ABR: variants seen among roughly 807,000 people sequenced by gnomAD.
ABR encodes active breakpoint cluster region-related protein.
ABR carries 35 observed loss-of-function variants against 107.2 expected under a neutral mutation model. That is an observed-to-expected ratio of 0.33 (90% CI 0.25 to 0.43). The LOEUF (loss-of-function observed/expected upper bound fraction) is 0.43. Among genes scored for constraint, ABR ranks in the 20% least tolerant of loss-of-function variants. The probability of loss-of-function intolerance (pLI) is 1.00; values close to 1 mark genes in which losing one functional copy is unlikely to be tolerated. For missense variants in ABR, 815 were observed against 1,115.2 expected (o/e 0.73, Z 3.83); for synonymous variants, 498 against 462.0 (o/e 1.08, Z -1.00).
intron 5 of ABR, 70 bp from the exon 6 acceptor site, chr17:1,079,460 G>A: frequency 7.1e-7 from 1 of 1,404,168 alleles, no homozygotes; most frequent in Non-Finnish European, 9.9e-7. Context: ...CTGTGAGCCT[G>A]GCAAGAAGGG....
At chr17:1,095,411 G>A (rs1304695974) in intron 3 of ABR, among the ~76,000 whole-genome samples, 4 of 152,216 alleles carry the variant, frequency 2.6e-5, no homozygotes, top group Non-Finnish European at 5.9e-5. Context: ...ACAGGGCTGG[G>A]TGTGTGCCCT....
chr17:1,127,826 C>G (rs922239464), intron 1 of ABR, among the ~76,000 whole-genome samples: 1 of 152,200 alleles, frequency 6.6e-6, no homozygotes. Context: ...GCCAGTCTCC[C>G]CACATGCACA....
intron 3 of ABR, among the ~76,000 whole-genome samples, chr17:1,093,801 C>T (rs929297923): frequency 1.3e-5 from 2 of 152,186 alleles, no homozygotes; most frequent in African/African-American, 2.4e-5. Flanking sequence ...TATCGCCTCA[C>T]TCTGATGGAG....
intron 1 of ABR, among the ~76,000 whole-genome samples, chr17:1,227,105 ACTCTTGTT>A (rs2043236291): frequency 6.6e-6 from 1 of 151,878 alleles, no homozygotes; most frequent in Non-Finnish European, 1.5e-5. Context: ...GAGGAAGGTG[ACTCTTGTT>A]ATCATTGGTC....
chr17:1,102,490 A>G (rs1445972723), intron 2 of ABR, among the ~76,000 whole-genome samples: 2 of 152,240 alleles, frequency 1.3e-5, no homozygotes, highest in East Asian at 1.9e-4. Flanking sequence ...CCACACTGGA[A>G]GAAGACGACT....
In ABR at chr17:1,007,096, G is replaced by A. The variant is rs75185733; in HGVS notation, c.2490+69C>T. On this transcript the variant is annotated intron_variant, in intron 22 of 22. Transcript: ENST00000302538. ...AGCCACGGGCCCGGGCGGTGCCAGG[G>A]TACCTGCGCCATGACGTCATGGGAC... 33 of 433,118 alleles carry A rather than the reference G, an allele frequency of 7.6e-5. No individual in the cohort carries two copies. The African/African-American group carries it at 1.0e-3, about 14-fold the overall frequency. 26.8% of individuals were successfully genotyped at this position (433,118 alleles called of 1,614,324 possible). A position where few individuals can be genotyped will look rare whatever the true frequency, so the allele number is the denominator to read the frequency against.
chr17:1,029,578 CCT>C (rs1194234509), intron 16 of ABR, among the ~76,000 whole-genome samples: 6 of 152,196 alleles, frequency 3.9e-5, no homozygotes, highest in Admixed American at 2.6e-4. Flanking sequence ...TGAGGCAATC[CCT>C]CCTGCCAGTC....
chr17:1,170,121 C>T (rs1256801700), intron 1 of ABR, among the ~76,000 whole-genome samples: 1 of 152,150 alleles, frequency 6.6e-6, no homozygotes, highest in Non-Finnish European at 1.5e-5. Flanking sequence ...CCTCCTTAGG[C>T]TCATGCCCCT....
chr17:1,075,208 C>T (rs2035601638), intron 6 of ABR, among the ~76,000 whole-genome samples: 1 of 152,240 alleles, frequency 6.6e-6, no homozygotes. Flanking sequence ...CGCGGCTGCG[C>T]CCACCCTCCC....
At chr17:1,099,397 T>G (rs2151332238) in intron 3 of ABR, among the ~76,000 whole-genome samples, 1 of 152,288 alleles carries the variant, frequency 6.6e-6, no homozygotes, top group South Asian at 2.1e-4. Flanking sequence ...ATTTACACAG[T>G]CATTCCTGGG....
intron 2 of ABR, among the ~76,000 whole-genome samples, chr17:1,102,864 T>TGC (rs2037997154): frequency 1.3e-5 from 2 of 152,012 alleles, no homozygotes; most frequent in Non-Finnish European, 2.9e-5. Context: ...GCGTCCACCA[T>TGC]CACACCCACT....
chr17:1,209,906 G>C (rs1477195675), intron 1 of ABR, among the ~76,000 whole-genome samples: 1 of 152,098 alleles, frequency 6.6e-6, no homozygotes, highest in South Asian at 2.1e-4. Flanking sequence ...GGTATCCCCA[G>C]TTATTTACAA....
At chr17:1,024,146 G>GC (rs1485268067) in intron 16 of ABR, among the ~76,000 whole-genome samples, 1 of 152,078 alleles carries the variant, frequency 6.6e-6, no homozygotes, top group Non-Finnish European at 1.5e-5. Context: ...GACGTGAGGG[G>GC]CTCCAGCAAT....
At chr17:1,031,507 A>G in intron 16 of ABR, 2 of 716,398 alleles carry the variant, frequency 2.8e-6, no homozygotes, top group East Asian at 3.7e-5. Context: ...CGGGAGCGGG[A>G]CCCCATCAGC....
chr17:1,132,460 C>A (rs1177605567), intron 1 of ABR, among the ~76,000 whole-genome samples: 1 of 147,910 alleles, frequency 6.8e-6, no homozygotes, highest in Non-Finnish European at 1.5e-5. Context: ...CTCACTGCAA[C>A]CTCCACCTGC....
At chr17:1,086,004 G>A (rs1489180609) in intron 4 of ABR, among the ~76,000 whole-genome samples, 1 of 151,978 alleles carries the variant, frequency 6.6e-6, no homozygotes, top group African/African-American at 2.4e-5. Flanking sequence ...AAATTATCCG[G>A]GCGTGGTGGC....
At chr17:1,102,964 C>G (rs2038006192) in intron 2 of ABR, among the ~76,000 whole-genome samples, 1 of 152,142 alleles carries the variant, frequency 6.6e-6, no homozygotes, top group African/African-American at 2.4e-5. Flanking sequence ...CCCGCCTCGG[C>G]CTCCCAAAGT....
intron 2 of ABR, among the ~76,000 whole-genome samples, chr17:1,107,716 T>C (rs1226246895): frequency 1.3e-5 from 2 of 152,176 alleles, no homozygotes. Flanking sequence ...GAGGCCTCCC[T>C]GAGCCCACGG....
At position 1,078,982 on chromosome 17, in the gene ABR, CCG is replaced by C; in HGVS notation, c.700+346_700+347del. The C allele has an allele frequency of 6.7e-7, 1 of 1,494,606 alleles. No homozygotes were observed. The highest frequency in any genetic ancestry group is 8.9e-7 in the Non-Finnish European group (1 of 1,123,486). The allele number at this position is 1,494,606 out of a possible 1,614,324, so 92.6% of individuals were successfully genotyped here. ...CCGCACGGACTCCAGCATCGGGCAG[CCG>C]CTCCGGAGTGCTCTTCCAGCAAGGG... On this transcript the variant is annotated intron_variant, in intron 6 of 22. Transcript: ENST00000302538. The surrounding 1 kb of genome is among the most constrained non-coding windows in gnomAD (Gnocchi z 7.5).
Sources: allele counts gnomAD v4.1 joint callset (sites outside exome capture counted in the v4.1 genomes callset), GRCh38; gene constraint gnomAD v4.1.1; non-coding constraint Gnocchi (gnomAD v3.1); transcripts MANE v1.5; gene names NCBI Gene and HGNC (gene_info 2026-07-23, HGNC 2026-07-21).